RNF220: variants seen among roughly 807,000 people sequenced by gnomAD.
RNF220 encodes E3 ubiquitin-protein ligase RNF220.
In RNF220, 7 loss-of-function variants were observed where a neutral mutation model predicts 67.1. The ratio of observed to expected loss-of-function variants is 0.10; its 90% CI spans 0.06 to 0.20. RNF220 has a LOEUF of 0.20. RNF220 is among the 10% of genes least tolerant of loss of function. The pLI, the probability that RNF220 is intolerant of heterozygous loss-of-function variation, is 1.00. For synonymous variants in RNF220, 270 were observed against 283.2 expected (o/e 0.95, Z 0.47); for missense variants, 565 against 740.3 (o/e 0.76, Z 2.75).
chr1:44,486,464 TTTC>T (rs144020728), intron 2 of RNF220, among the ~76,000 whole-genome samples: 4,348 of 152,314 alleles, frequency 0.029, 156 homozygotes, highest in African/African-American at 0.086. Flanking sequence ...TGGCCTCATT[TTTC>T]TTCTTCTTTT....
chr1:44,467,105 C>T (rs1000158449), intron 2 of RNF220, among the ~76,000 whole-genome samples: 1 of 152,234 alleles, frequency 6.6e-6, no homozygotes, highest in South Asian at 2.1e-4. Context: ...GGTTAACTTG[C>T]AGCTTCTCCA....
intron 2 of RNF220, among the ~76,000 whole-genome samples, chr1:44,605,937 C>G (rs554778747): frequency 6.6e-6 from 1 of 152,346 alleles, no homozygotes; most frequent in Admixed American, 6.5e-5. Flanking sequence ...GGGTGCACAG[C>G]TGTTCCCAGG....
At chr1:44,511,911 G>A (rs1391521550) in intron 2 of RNF220, among the ~76,000 whole-genome samples, 2 of 128,352 alleles carry the variant, frequency 1.6e-5, no homozygotes, top group Non-Finnish European at 3.3e-5. Context: ...AGAAGCGTGT[G>A]TGTGCGTGTG....
chr1:44,474,710 G>A (rs891746917), intron 2 of RNF220, among the ~76,000 whole-genome samples: 1 of 151,078 alleles, frequency 6.6e-6, no homozygotes, highest in South Asian at 2.1e-4. Flanking sequence ...CCCTGTCTCC[G>A]AAAAAATAAA....
intron 2 of RNF220, among the ~76,000 whole-genome samples, chr1:44,580,068 A>G (rs924476259): frequency 2.7e-5 from 4 of 148,874 alleles, no homozygotes; most frequent in African/African-American, 5.0e-5. Context: ...GAAAGAAAAG[A>G]AAGAAAGAAA....
intron 2 of RNF220, among the ~76,000 whole-genome samples, chr1:44,426,500 G>A (rs1029168827): frequency 6.6e-6 from 1 of 152,192 alleles, no homozygotes; most frequent in Non-Finnish European, 1.5e-5. Flanking sequence ...GCTGACGCAG[G>A]AGGATCACCT....
At chr1:44,648,501 G>A (rs1354113519) in intron 12 of RNF220, 5 of 152,188 alleles carry the variant, frequency 3.3e-5, no homozygotes, top group Non-Finnish European at 7.3e-5. Context: ...CTGTTCATTT[G>A]TTTTAGGAGG....
chr1:44,479,290 A>G (rs1655581384), intron 2 of RNF220, among the ~76,000 whole-genome samples: 1 of 151,778 alleles, frequency 6.6e-6, no homozygotes, highest in Non-Finnish European at 1.5e-5. Flanking sequence ...CTAATTTTTT[A>G]TATTTTTAGT....
chr1:44,650,048 G>A lies in RNF220; in HGVS notation c.1629+91G>A. ...TGCCTGAGCCTGCCTGGGGGAAGTGGGGAGCATGGCGCAAAGGAGAACAGA... is the reference window on the plus strand; with the variant it reads ...TGCCTGAGCCTGCCTGGGGGAAGTGAGGAGCATGGCGCAAAGGAGAACAGA... On this transcript the variant is annotated intron_variant, in intron 14 of 14. Transcript: ENST00000361799. This position sits in a 1 kb window ranked among gnomAD's most constrained non-coding sequence, Gnocchi z 4.3. 1.5e-6 allele frequency: 2 copies of A among 1,367,836 alleles called. No individual in the cohort carries two copies. The highest frequency in any genetic ancestry group is 2.5e-5 in the South Asian group (2 of 81,534). 84.7% of individuals were successfully genotyped at this position (1,367,836 alleles called of 1,614,324 possible). A position where few individuals can be genotyped will look rare whatever the true frequency, so the allele number is the denominator to read the frequency against.
chr1:44,540,155 G>A (rs1419371592), intron 2 of RNF220, among the ~76,000 whole-genome samples: 3 of 152,126 alleles, frequency 2.0e-5, no homozygotes, highest in Non-Finnish European at 2.9e-5. Context: ...ATGCCTGATG[G>A]TCTCCCCAGG....
intron 2 of RNF220, among the ~76,000 whole-genome samples, chr1:44,585,255 C>A (rs1379299108): frequency 1.3e-5 from 2 of 152,208 alleles, no homozygotes; most frequent in East Asian, 3.9e-4. Flanking sequence ...GTTCCCTCTG[C>A]TAGCACTTGG....
intron 2 of RNF220, among the ~76,000 whole-genome samples, chr1:44,464,447 C>T (rs540611022): frequency 1.1e-3 from 173 of 152,306 alleles, no homozygotes; most frequent in African/African-American, 3.7e-3. Context: ...TCTCTACTTG[C>T]ATTATATCCG....
chr1:44,451,523 G>A (rs1028327746), intron 2 of RNF220, among the ~76,000 whole-genome samples: 1 of 152,022 alleles, frequency 6.6e-6, no homozygotes, highest in African/African-American at 2.4e-5. Flanking sequence ...TTCTTTCTCT[G>A]TGATATGTGT....
At chr1:44,509,516 C>A (rs556380368) in intron 2 of RNF220, among the ~76,000 whole-genome samples, 6 of 150,540 alleles carry the variant, frequency 4.0e-5, no homozygotes, top group Admixed American at 1.3e-4. Context: ...TGCCACTGCC[C>A]TCCAGCCTGG....
At chr1:44,451,463 G>T (rs1310040835) in intron 2 of RNF220, among the ~76,000 whole-genome samples, 1 of 151,868 alleles carries the variant, frequency 6.6e-6, no homozygotes, top group Non-Finnish European at 1.5e-5. Flanking sequence ...CTATTAGATT[G>T]TCTTATTCTT....
At chr1:44,508,095 T>A (rs1658610315) in intron 2 of RNF220, among the ~76,000 whole-genome samples, 1 of 139,088 alleles carries the variant, frequency 7.2e-6, no homozygotes, top group African/African-American at 2.7e-5. Flanking sequence ...GTGGGGGTGG[T>A]GGAGCAGGCT....
chr1:44,495,636 A>G lies in RNF220; in HGVS notation c.625+82914A>G, dbSNP rs566089701. Among the ~76,000 whole-genome samples the G allele has an allele frequency of 1.6e-3, 248 of 152,354 alleles. 2 individuals carry two copies. In the South Asian group the frequency reaches 0.022, roughly 14 times the overall value. On this transcript the variant is annotated intron_variant, in intron 2 of 14. Transcript: ENST00000361799. ...TTTTTAATAGAGACGGGGTTTCACC[A>G]TGTTGACCAGGCTGGTCTCAAACTC...
chr1:44,479,025 C>G (rs555820338), intron 2 of RNF220, among the ~76,000 whole-genome samples: 2 of 152,086 alleles, frequency 1.3e-5, no homozygotes, highest in Admixed American at 6.6e-5. Flanking sequence ...ATTTGGGGCC[C>G]CAGAAATCTT....
At chr1:44,481,897 G>A (rs1395394640) in intron 2 of RNF220, among the ~76,000 whole-genome samples, 3 of 152,160 alleles carry the variant, frequency 2.0e-5, no homozygotes, top group African/African-American at 4.8e-5. Context: ...CCACTTGTGA[G>A]GGATTAGACT....
Sources: gnomAD v4.1 joint callset for allele counts (sites outside exome capture counted in the v4.1 genomes callset) on GRCh38, gnomAD v4.1.1 for gene constraint, Gnocchi (gnomAD v3.1) non-coding constraint, MANE v1.5 for transcripts, NCBI Gene and HGNC (gene_info 2026-07-23, HGNC 2026-07-21) for gene names.